The following SRBD1 variants were observed in gnomAD, a reference collection of about 807,000 sequenced individuals.
The protein encoded by SRBD1 is S1 RNA binding domain 1, also known as S1 RNA-binding domain-containing protein 1.
In SRBD1, 88 loss-of-function variants were observed where a neutral mutation model predicts 115.3. That is an observed-to-expected ratio of 0.76 (90% CI 0.64 to 0.91). The LOEUF is 0.91. SRBD1 is among the 40% of genes least tolerant of loss of function. SRBD1 has a pLI of 0.00. For synonymous variants in SRBD1, 509 were observed against 407.7 expected, an observed-to-expected ratio of 1.25 and a Z score of -2.99; for missense variants, 1,385 against 1,177.4, an observed-to-expected ratio of 1.18 and a Z score of -2.58.
chr2:45,574,768 G>A (rs773245355), intron 7 of SRBD1, 45 bp from the exon 8 acceptor site: 20 of 1,489,032 alleles, frequency 1.3e-5, no homozygotes, highest in East Asian at 2.3e-5. Context: ...AAAAGTATAC[G>A]ATTGGTTTTA....
At chr2:45,587,101 A>G (rs1185238692) in intron 4 of SRBD1, among the ~76,000 whole-genome samples, 2 of 120,226 alleles carry the variant, frequency 1.7e-5, no homozygotes, top group South Asian at 2.6e-4. Flanking sequence ...TTAAATATTT[A>G]ATTATTTTAA....
intron 19 of SRBD1, among the ~76,000 whole-genome samples, 174 bp downstream of exon 19, chr2:45,412,940 T>C (rs1667646315): frequency 2.0e-5 from 3 of 152,198 alleles, no homozygotes. Flanking sequence ...AATGGTTTCA[T>C]TCCTCAGTGA....
chr2:45,565,716 A>G (rs577923984), intron 9 of SRBD1, among the ~76,000 whole-genome samples: 1 of 152,340 alleles, frequency 6.6e-6, no homozygotes, highest in African/African-American at 2.4e-5. Flanking sequence ...TGCAAATCAT[A>G]TGTCACATAA....
At chr2:45,509,893 T>C (rs1248549236) in intron 14 of SRBD1, among the ~76,000 whole-genome samples, 1 of 151,932 alleles carries the variant, frequency 6.6e-6, no homozygotes, top group Non-Finnish European at 1.5e-5. Context: ...TGCCACCATG[T>C]CCATCTAATT....
chr2:45,552,269 T>C (rs1224720569), intron 11 of SRBD1, among the ~76,000 whole-genome samples: 3 of 152,194 alleles, frequency 2.0e-5, no homozygotes, highest in Non-Finnish European at 4.4e-5. Context: ...GGTTAAGTAT[T>C]CCTATCAGGA....
chr2:45,423,687 A>G (rs1028306527), intron 16 of SRBD1, among the ~76,000 whole-genome samples: 1 of 152,126 alleles, frequency 6.6e-6, no homozygotes, highest in Non-Finnish European at 1.5e-5. Flanking sequence ...CTTCTTACCT[A>G]TTCTATGAGG....
intron 19 of SRBD1, among the ~76,000 whole-genome samples, chr2:45,411,374 C>A (rs960450079): frequency 3.3e-5 from 5 of 152,118 alleles, no homozygotes; most frequent in African/African-American, 9.7e-5. Flanking sequence ...TATATTCACA[C>A]AATGGAATAT....
At chr2:45,395,971 C>G (rs1244410232) in intron 19 of SRBD1, among the ~76,000 whole-genome samples, 1 of 152,152 alleles carries the variant, frequency 6.6e-6, no homozygotes, top group African/African-American at 2.4e-5. Context: ...AAAGTACTTT[C>G]TGGCTCAAAA....
At chr2:45,415,972 A>G (rs1486418406) in intron 18 of SRBD1, among the ~76,000 whole-genome samples, 1 of 152,132 alleles carries the variant, frequency 6.6e-6, no homozygotes, top group Non-Finnish European at 1.5e-5. Context: ...AAGGATGATC[A>G]TAAGAATAGA....
intron 14 of SRBD1, among the ~76,000 whole-genome samples, chr2:45,510,965 T>C (rs534476661): frequency 2.6e-4 from 40 of 152,342 alleles, no homozygotes; most frequent in Non-Finnish European, 4.7e-4. Flanking sequence ...GTTTTCATAG[T>C]GAATGACTGC....
rs186586042 is a variant in SRBD1, at chr2:45,502,963, G to A, written c.1875-14632C>T. ...GCCTGCCAAAGTGCTGGGATGACAG[G>A]CATAAGCCACTGCGCCCAGCAAAAG... On this transcript the variant is annotated intron_variant, in intron 14 of 20. Coordinates refer to ENST00000263736, the MANE Select transcript of SRBD1 (RefSeq NM_018079.5). Among the ~76,000 whole-genome samples, 1,173 of 152,212 alleles carry A rather than the reference G, an allele frequency of 7.7e-3. 13 individuals are homozygous for A. Among genetic ancestry groups the A allele is most frequent in the African/African-American group, 0.027 (1,108 of 41,520 alleles).
At chr2:45,600,386 C>T (rs1279968780) in intron 3 of SRBD1, among the ~76,000 whole-genome samples, 1 of 152,074 alleles carries the variant, frequency 6.6e-6, no homozygotes, top group East Asian at 1.9e-4. Flanking sequence ...TAGAAATAAG[C>T]AGTTTAATTT....
chr2:45,415,533 C>CT (rs1667793529), intron 18 of SRBD1, among the ~76,000 whole-genome samples: 1 of 142,884 alleles, frequency 7.0e-6, no homozygotes, highest in East Asian at 2.1e-4. Context: ...TATATACACA[C>CT]GTATATACAC....
intron 19 of SRBD1, among the ~76,000 whole-genome samples, chr2:45,398,858 T>G (rs1421536505): frequency 6.6e-6 from 1 of 152,140 alleles, no homozygotes; most frequent in Non-Finnish European, 1.5e-5. Context: ...TACTGTGTAA[T>G]TATCATATAA....
At chr2:45,526,608 G>C (rs1671450243) in intron 14 of SRBD1, among the ~76,000 whole-genome samples, 1 of 151,816 alleles carries the variant, frequency 6.6e-6, no homozygotes, top group Non-Finnish European at 1.5e-5. Context: ...ATTATATGGT[G>C]TGTGAATATC....
At chr2:45,475,742 A>G (rs1669784980) in intron 16 of SRBD1, among the ~76,000 whole-genome samples, 1 of 152,214 alleles carries the variant, frequency 6.6e-6, no homozygotes, top group Non-Finnish European at 1.5e-5. Flanking sequence ...TCTGTCACCC[A>G]GGCTAGAGTG....
intron 10 of SRBD1, among the ~76,000 whole-genome samples, chr2:45,562,350 CT>C (rs1209787241): frequency 6.6e-6 from 1 of 152,134 alleles, no homozygotes; most frequent in Non-Finnish European, 1.5e-5. Flanking sequence ...CCTCAGCCTC[CT>C]AAGTAGCGGG....
chr2:45,581,403 T>C (rs769828723), intron 6 of SRBD1, among the ~76,000 whole-genome samples: 13 of 152,104 alleles, frequency 8.5e-5, no homozygotes, highest in Non-Finnish European at 1.9e-4. Context: ...GATCTCTAGT[T>C]CAGCCCTCTC....
At chr2:45,416,802 A>G (rs1035675443) in intron 18 of SRBD1, among the ~76,000 whole-genome samples, 1 of 152,034 alleles carries the variant, frequency 6.6e-6, no homozygotes, top group African/African-American at 2.4e-5. Context: ...TGAGACAGAT[A>G]GGATCTTGTT....
Sources: gnomAD v4.1 joint callset for allele counts (sites outside exome capture counted in the v4.1 genomes callset) on GRCh38, gnomAD v4.1.1 for gene constraint, MANE v1.5 for transcripts, NCBI Gene and HGNC (gene_info 2026-07-23, HGNC 2026-07-21) for gene names.